Variants in NRXN3 observed in about 807,000 individuals in gnomAD.
NRXN3 encodes the protein neurexin 3, also known as neurexin III.
In NRXN3, 32 loss-of-function variants were observed where a neutral mutation model predicts 137.6. That is an observed-to-expected ratio of 0.23 (90% CI 0.18 to 0.31). The LOEUF (loss-of-function observed/expected upper bound fraction) is 0.31. NRXN3 is among the 10% of genes least tolerant of loss of function. The pLI, the probability that NRXN3 is intolerant of heterozygous loss-of-function variation, is 1.00. For missense variants in NRXN3, 1,574 were observed against 2,062.5 expected (o/e 0.76, Z 4.59); for synonymous variants, 798 against 784.5 (o/e 1.02, Z -0.29).
chr14:78,527,312 C>T (rs12883210), intron 4 of NRXN3, among the ~76,000 whole-genome samples: 3 of 151,984 alleles, frequency 2.0e-5, no homozygotes, highest in African/African-American at 2.4e-5. Flanking sequence ...CATGGCAGAA[C>T]GAAAGGGGGA....
intron 15 of NRXN3, among the ~76,000 whole-genome samples, chr14:79,217,947 T>A (rs2068832417): frequency 6.6e-6 from 1 of 152,214 alleles, no homozygotes. Context: ...GAAATTCATT[T>A]GCCTCTTCAT....
intron 4 of NRXN3, among the ~76,000 whole-genome samples, chr14:78,545,719 A>G (rs951832749): frequency 3.4e-4 from 52 of 152,296 alleles, no homozygotes; most frequent in African/African-American, 1.2e-3. Context: ...CTATCTACCC[A>G]CTGCATTAAA....
At chr14:79,778,199 G>A (rs12890896) in intron 19 of NRXN3, among the ~76,000 whole-genome samples, 46 of 152,082 alleles carry the variant, frequency 3.0e-4, no homozygotes, top group African/African-American at 9.9e-4. Flanking sequence ...GGTGGATCAC[G>A]AGGTCAGGAG....
At chr14:79,822,287 C>A (rs913025097) in intron 20 of NRXN3, among the ~76,000 whole-genome samples, 3 of 152,156 alleles carry the variant, frequency 2.0e-5, no homozygotes, top group Non-Finnish European at 4.4e-5. Context: ...TATGCCAAAG[C>A]TTTCAGTGAC....
At chr14:79,515,158 G>A (rs757281879) in intron 16 of NRXN3, among the ~76,000 whole-genome samples, 4 of 150,594 alleles carry the variant, frequency 2.7e-5, no homozygotes, top group Admixed American at 1.3e-4. Flanking sequence ...GCTAAGTTTA[G>A]CATGCAGGAT....
intron 15 of NRXN3, among the ~76,000 whole-genome samples, chr14:79,461,545 G>T (rs145650674): frequency 2.0e-5 from 3 of 152,246 alleles, no homozygotes. Context: ...TTGAGAAAAT[G>T]TATTCTTTGG....
chr14:78,644,955 C>A (rs989027965), intron 4 of NRXN3, among the ~76,000 whole-genome samples, 165 bp from the exon 5 acceptor site: 2 of 152,166 alleles, frequency 1.3e-5, no homozygotes, highest in Non-Finnish European at 2.9e-5. Flanking sequence ...TGCTAGTTTC[C>A]CTGGTGTTTC....
intron 15 of NRXN3, among the ~76,000 whole-genome samples, chr14:79,396,875 G>A (rs1311802599): frequency 6.6e-6 from 1 of 152,048 alleles, no homozygotes; most frequent in Non-Finnish European, 1.5e-5. Flanking sequence ...ACTTTCATAC[G>A]ACTATCCCTT....
At chr14:79,606,705 C>T (rs758703923) in intron 16 of NRXN3, among the ~76,000 whole-genome samples, 18 of 152,158 alleles carry the variant, frequency 1.2e-4, no homozygotes, top group Non-Finnish European at 2.1e-4. Context: ...GCATCTATTA[C>T]GTGCCATAGA....
At chr14:78,352,402 A>G (rs902585851) in intron 4 of NRXN3, among the ~76,000 whole-genome samples, 3 of 152,042 alleles carry the variant, frequency 2.0e-5, no homozygotes, top group Non-Finnish European at 4.4e-5. Flanking sequence ...TCCACTGGGT[A>G]AGCACTACAA....
chr14:79,562,371 C>G (rs2097506138), intron 16 of NRXN3, among the ~76,000 whole-genome samples: 1 of 152,110 alleles, frequency 6.6e-6, no homozygotes, highest in Non-Finnish European at 1.5e-5. Context: ...TCTACTGCTT[C>G]CAGCCTGTCA....
intron 1 of NRXN3, among the ~76,000 whole-genome samples, chr14:78,207,474 G>A (rs935298743): frequency 3.3e-5 from 5 of 152,104 alleles, no homozygotes; most frequent in Admixed American, 1.3e-4. Flanking sequence ...TCCACCCACA[G>A]GCACATCAGG....
intron 15 of NRXN3, among the ~76,000 whole-genome samples, chr14:79,026,348 T>C (rs2099598008): frequency 6.6e-6 from 1 of 152,098 alleles, no homozygotes; most frequent in African/African-American, 2.4e-5. Context: ...GATTTCCTCA[T>C]CTAAACATTT....
intron 16 of NRXN3, among the ~76,000 whole-genome samples, chr14:79,651,493 C>T (rs1436154058): frequency 6.6e-6 from 1 of 151,774 alleles, no homozygotes; most frequent in Non-Finnish European, 1.5e-5. Context: ...AGACATAGAA[C>T]ATAAAGATGC....
At chr14:78,688,586 T>A (rs1185334864) in intron 6 of NRXN3, among the ~76,000 whole-genome samples, 2 of 151,938 alleles carry the variant, frequency 1.3e-5, no homozygotes, top group Non-Finnish European at 2.9e-5. Context: ...ATCATAGCAG[T>A]AAAGTGGGGT....
At chr14:79,856,305 T>C (rs914264363) in intron 20 of NRXN3, among the ~76,000 whole-genome samples, 8 of 152,196 alleles carry the variant, frequency 5.3e-5, no homozygotes, top group Admixed American at 2.6e-4. Flanking sequence ...TTACAAGCTT[T>C]ATGATATTTA....
chr14:79,574,222 C>CCA (rs139060549), intron 16 of NRXN3, among the ~76,000 whole-genome samples: 23,257 of 147,566 alleles, frequency 0.16, 2,261 homozygotes, highest in African/African-American at 0.29. Context: ...GTGCATGCAC[C>CCA]CACACACACA....
chr14:78,180,022 A>C (rs1484435457), intron 1 of NRXN3, among the ~76,000 whole-genome samples: 2 of 151,492 alleles, frequency 1.3e-5, no homozygotes, highest in Admixed American at 1.3e-4. Flanking sequence ...ATTTTTTTGC[A>C]TTTTTAGTAG....
At chr14:79,215,443 AACTGAG>A (rs2068335387) in intron 15 of NRXN3, among the ~76,000 whole-genome samples, 1 of 152,162 alleles carries the variant, frequency 6.6e-6, no homozygotes. Flanking sequence ...CTGCTGATAC[AACTGAG>A]ACTGGGCAAT....
Sources: allele counts gnomAD v4.1 joint callset (sites outside exome capture counted in the v4.1 genomes callset), GRCh38; gene constraint gnomAD v4.1.1; transcripts MANE v1.5; gene names NCBI Gene and HGNC (gene_info 2026-07-23, HGNC 2026-07-21).